Variants in MSRA observed in about 807,000 individuals in gnomAD.
MSRA encodes mitochondrial peptide methionine sulfoxide reductase.
Under a neutral mutation model 31.3 loss-of-function variants are expected in MSRA, and 54 were observed. That is an observed-to-expected ratio of 1.73 (90% CI 1.39 to 2.17). MSRA has a LOEUF of 2.17. Among genes scored for constraint, MSRA ranks in the 30% most tolerant of loss-of-function variants. MSRA has a pLI of 0.00. For missense variants in MSRA, 507 were observed against 300.9 expected (o/e 1.69, Z -5.07); for synonymous variants, 169 against 116.5 (o/e 1.45, Z -2.90).
Position 10,413,484 on chromosome 8 carries a change from C to T in MSRA, c.544-14664C>T, listed in dbSNP as rs184154962. Among the ~76,000 whole-genome samples the T allele has an allele frequency of 8.5e-5, 13 of 152,100 alleles. No individual in the cohort carries two copies. In the East Asian group the frequency reaches 2.5e-3, roughly 29 times the overall value. On this transcript the variant is annotated intron_variant, in intron 5 of 5. Coordinates refer to ENST00000317173, the MANE Select transcript of MSRA (RefSeq NM_012331.5). ...GTTGCCACATTATTTTTTAAATTGT[C>T]TGATTTTCAAGAAAAAAATATGTAA... is the stretch of plus-strand genomic sequence containing the variant.
At chr8:10,323,259 C>T (rs1197496734) in intron 5 of MSRA, among the ~76,000 whole-genome samples, 2 of 152,082 alleles carry the variant, frequency 1.3e-5, no homozygotes, top group Non-Finnish European at 2.9e-5. Context: ...TTTCATCCCA[C>T]TGTATTTAAT....
chr8:10,270,757 C>T (rs1170007701), intron 3 of MSRA, among the ~76,000 whole-genome samples: 1 of 152,120 alleles, frequency 6.6e-6, no homozygotes, highest in African/African-American at 2.4e-5. Flanking sequence ...CACATCAGAC[C>T]CTATGAAGAA....
rs372844005 is a variant in MSRA, at chr8:10,197,188, ATAG to A, written c.143-10643_143-10641del. Among the ~76,000 whole-genome samples, 750 of 152,320 alleles carry A rather than the reference ATAG, an allele frequency of 4.9e-3. 2 individuals are homozygous for A. Among genetic ancestry groups the A allele is most frequent in the South Asian group, 0.015 (72 of 4,824 alleles). On this transcript the variant is annotated intron_variant, in intron 1 of 5. Transcript: ENST00000317173. ...TAGTCATTAGGAATTACTTGTGTTA[ATAG>A]TGGTGGTGAGATTTCATAAAAGTCA... is the stretch of plus-strand genomic sequence containing the variant.
chr8:10,406,612 G>A (rs949531526), intron 5 of MSRA, among the ~76,000 whole-genome samples: 20 of 152,176 alleles, frequency 1.3e-4, no homozygotes, highest in African/African-American at 4.6e-4. Context: ...CTTGGTGCTG[G>A]CCAGTCTGTT....
chr8:10,103,252 G>A (rs1799654286), intron 1 of MSRA, among the ~76,000 whole-genome samples: 3 of 152,168 alleles, frequency 2.0e-5, no homozygotes, highest in South Asian at 4.1e-4. Flanking sequence ...AGAAGAAACA[G>A]ATTTGACTGA....
At chr8:10,425,097 C>G (rs957875127) in intron 5 of MSRA, among the ~76,000 whole-genome samples, 2 of 152,064 alleles carry the variant, frequency 1.3e-5, no homozygotes, top group African/African-American at 4.8e-5. Context: ...CCCCTTCTTT[C>G]GCACCTAGTC....
chr8:10,335,702 C>G (rs2129146847), intron 5 of MSRA, among the ~76,000 whole-genome samples: 1 of 152,308 alleles, frequency 6.6e-6, no homozygotes, highest in East Asian at 1.9e-4. Context: ...CCAGCCACAC[C>G]CAGAGCCTTC....
chr8:10,317,715 A>G (rs563375107), intron 4 of MSRA, among the ~76,000 whole-genome samples: 2 of 152,320 alleles, frequency 1.3e-5, no homozygotes, highest in Non-Finnish European at 2.9e-5. Context: ...TGGTACATCA[A>G]GACAGCCAAA....
intron 1 of MSRA, among the ~76,000 whole-genome samples, chr8:10,072,170 C>T (rs895912425): frequency 6.6e-6 from 1 of 152,150 alleles, no homozygotes; most frequent in Non-Finnish European, 1.5e-5. Context: ...ATACGTATTC[C>T]ACACAAGGCA....
At chr8:10,228,134 G>C (rs1023240292) in intron 2 of MSRA, among the ~76,000 whole-genome samples, 2 of 152,088 alleles carry the variant, frequency 1.3e-5, no homozygotes, top group African/African-American at 2.4e-5. Context: ...CGTCCACTGA[G>C]CTACCTTTCT....
intron 1 of MSRA, among the ~76,000 whole-genome samples, chr8:10,088,724 A>G (rs1427276547): frequency 6.6e-6 from 1 of 152,096 alleles, no homozygotes; most frequent in Non-Finnish European, 1.5e-5. Context: ...CACCAGAGTG[A>G]GACTTCATCT....
chr8:10,117,321 G>C (rs1009468824), intron 1 of MSRA, among the ~76,000 whole-genome samples: 1 of 152,142 alleles, frequency 6.6e-6, no homozygotes, highest in Non-Finnish European at 1.5e-5. Context: ...ATCGTGAAGG[G>C]AAAATTCCTA....
At chr8:10,312,681 A>G (rs1044248322) in intron 4 of MSRA, among the ~76,000 whole-genome samples, 1 of 152,360 alleles carries the variant, frequency 6.6e-6, no homozygotes, top group Non-Finnish European at 1.5e-5. Context: ...TTAATAGTAT[A>G]TAAGAAAATA....
chr8:10,251,799 A>G (rs1053720056), intron 3 of MSRA, among the ~76,000 whole-genome samples: 6 of 152,014 alleles, frequency 3.9e-5, no homozygotes, highest in African/African-American at 1.2e-4. Context: ...GTAAACCTCA[A>G]TCACCAGAAA....
In MSRA at chr8:10,161,934, G is replaced by A. The variant is rs558737497; in HGVS notation, c.143-45899G>A. On this transcript the variant is annotated intron_variant, in intron 1 of 5. Coordinates refer to ENST00000317173, the MANE Select transcript of MSRA (RefSeq NM_012331.5). ...CCACTTGTTTTGCCCACTTGTTACA[G>A]GGTGGTCCGGAGGTCTGAATACAAG... is the stretch of plus-strand genomic sequence containing the variant. 2.0e-5 allele frequency among the ~76,000 whole-genome samples: 3 copies of A among 152,298 alleles called. No individual in the cohort carries two copies. The South Asian group carries it at 6.2e-4, about 32-fold the overall frequency.
At chr8:10,146,550 A>T (rs1803161140) in intron 1 of MSRA, among the ~76,000 whole-genome samples, 1 of 152,128 alleles carries the variant, frequency 6.6e-6, no homozygotes, top group African/African-American at 2.4e-5. Context: ...GAGTGGCTGG[A>T]TGCAGGTACC....
At chr8:10,174,958 C>T (rs1468379926) in intron 1 of MSRA, among the ~76,000 whole-genome samples, 1 of 152,220 alleles carries the variant, frequency 6.6e-6, no homozygotes, top group Non-Finnish European at 1.5e-5. Flanking sequence ...TTGCCCCTTT[C>T]CCTGTTAATC....
intron 3 of MSRA, among the ~76,000 whole-genome samples, chr8:10,274,847 G>A (rs535640779): frequency 2.6e-5 from 4 of 152,028 alleles, no homozygotes; most frequent in South Asian, 4.2e-4. Context: ...GTTCAACCAA[G>A]CAACCATCCA....
intron 1 of MSRA, among the ~76,000 whole-genome samples, chr8:10,138,432 C>G (rs374364060): frequency 3.3e-5 from 5 of 152,154 alleles, no homozygotes; most frequent in Admixed American, 6.5e-5. Flanking sequence ...GTTGAGCATT[C>G]TGGCCCACGG....
Sources: allele counts gnomAD v4.1 joint callset (sites outside exome capture counted in the v4.1 genomes callset), GRCh38; gene constraint gnomAD v4.1.1; transcripts MANE v1.5; gene names NCBI Gene and HGNC (gene_info 2026-07-23, HGNC 2026-07-21).